The following GUCY1A1 variants were observed in gnomAD, a reference collection of about 807,000 sequenced individuals.
GUCY1A1 encodes the protein guanylate cyclase 1 soluble subunit alpha 1.
A neutral mutation model predicts 64.5 loss-of-function variants in GUCY1A1; 48 were observed. That is an observed-to-expected ratio of 0.74 (90% confidence interval 0.59 to 0.95). The LOEUF (loss-of-function observed/expected upper bound fraction) is 0.95. Among genes scored for constraint, GUCY1A1 ranks in the 40% least tolerant of loss-of-function variants. The probability of loss-of-function intolerance (pLI) is 0.00; values close to 1 mark genes in which losing one functional copy is unlikely to be tolerated. For synonymous variants in GUCY1A1, 308 were observed against 303.4 expected (o/e 1.02, Z -0.16); for missense variants, 804 against 825.3 (o/e 0.97, Z 0.32).
chr4:155,685,402 G>T (rs1043833861), intron 2 of GUCY1A1, among the ~76,000 whole-genome samples: 3 of 152,058 alleles, frequency 2.0e-5, no homozygotes, highest in African/African-American at 7.2e-5. Context: ...TAAATGAGTG[G>T]GTGTGGTTGT....
chr4:155,702,233 C>A (rs1223336586), intron 3 of GUCY1A1, among the ~76,000 whole-genome samples: 1 of 152,076 alleles, frequency 6.6e-6, no homozygotes, highest in African/African-American at 2.4e-5. Context: ...AGGCAGCAAC[C>A]CTTATTTTAT....
chr4:155,668,019 C>G (rs796264744), intron 2 of GUCY1A1: 1 of 152,290 alleles, frequency 6.6e-6, no homozygotes, highest in Non-Finnish European at 1.5e-5. Flanking sequence ...AGCGGCTCCA[C>G]GAGGTGTGCG....
In GUCY1A1 at chr4:155,713,543, C is replaced by T; in HGVS notation, c.1532C>T (p.Thr511Ile). The T allele has an allele frequency of 1.2e-6, 2 of 1,613,978 alleles. No homozygotes were observed. Among genetic ancestry groups the T allele is most frequent in the African/African-American group, 2.7e-5 (2 of 75,054 alleles). The change falls in exon 7 of 10, where the codon ACT becomes ATT. Residue 511 changes from threonine (T) to isoleucine (I), a missense_variant. Physicochemically the swap from Thr to Ile is moderately conservative, Grantham distance 89. Transcript: ENST00000506455. ...QVITMLNALYTRFDQQCGELD... is the reference protein window; with the variant it reads ...QVITMLNALYIRFDQQCGELD... ...ATCACCATGCTCAATGCACTGTACA[C>T]TCGCTTCGACCAGCAGTGTGGAGAG...
chr4:155,713,412 G>A lies in GUCY1A1; in HGVS notation c.1401G>A (p.Trp467Ter), dbSNP rs1377015819. 1 of 1,614,172 alleles carries A rather than the reference G, an allele frequency of 6.2e-7. No homozygotes were observed. The highest frequency in any genetic ancestry group is 2.2e-5 in the East Asian group (1 of 44,868). ...CCTGTGAGGTTGCTCAGCAGCTGTG[G>A]CAAGGGCAAGTTGTGCAAGCCAAGA... ...IFPCEVAQQL[W>*]QGQVVQAKKF... Residue 467 changes from tryptophan to a stop codon, truncating the protein, a stop_gained, in exon 7 of 10, where the codon TGG (tryptophan) becomes TGA (stop). Coordinates refer to ENST00000506455, the MANE Select transcript of GUCY1A1 (RefSeq NM_001130682.3). LOFTEE classifies it high-confidence loss of function.
chr4:155,675,654 G>A (rs767913022), intron 2 of GUCY1A1, among the ~76,000 whole-genome samples: 12 of 151,466 alleles, frequency 7.9e-5, no homozygotes, highest in African/African-American at 2.9e-4. Context: ...TGTGTCACTG[G>A]CTCAGAATAA....
At chr4:155,697,222 G>T in intron 3 of GUCY1A1, 100 bp downstream of exon 3, 1 of 831,936 alleles carries the variant, frequency 1.2e-6, no homozygotes, top group Non-Finnish European at 2.0e-6. Context: ...TCACTTTCAA[G>T]GCTACAATAA....
In GUCY1A1 at chr4:155,686,236, G is replaced by T. The variant is rs559971907; in HGVS notation, c.-112-10520G>T. On this transcript the variant is annotated intron_variant, in intron 2 of 9. Coordinates refer to ENST00000506455, the MANE Select transcript of GUCY1A1 (RefSeq NM_001130682.3). ...CATACCTGTAATCCCAACACTTTGG[G>T]AGGCCAAGGTGGGTGGATTGCCTGA... 3.3e-5 allele frequency among the ~76,000 whole-genome samples: 5 copies of T among 152,300 alleles called. No individual in the cohort carries two copies. In the South Asian group the frequency reaches 1.0e-3, roughly 32 times the overall value.
rs139449524 is a variant in GUCY1A1, at chr4:155,713,270, G to T, written c.1259G>T (p.Arg420Leu). The T allele has an allele frequency of 6.2e-7, 1 of 1,614,032 alleles. No homozygotes were observed. The highest frequency in any genetic ancestry group is 1.7e-5 in the Admixed American group (1 of 60,008). The change falls in exon 7 of 10, where the codon CGA becomes CTA. Residue 420 changes from arginine to leucine, a missense_variant. Physicochemically the swap from Arg to Leu is moderately radical, Grantham distance 102. Transcript: ENST00000506455. ...RDVVLIGEQA[R>L]AQDGLKKRLG... ...GTGGTCTTAATAGGGGAACAAGCCC[G>T]AGCTCAAGATGGCCTGAAGAAGAGG...
intron 8 of GUCY1A1, among the ~76,000 whole-genome samples, chr4:155,718,337 G>A (rs958892476): frequency 3.9e-5 from 6 of 152,154 alleles, no homozygotes; most frequent in Non-Finnish European, 8.8e-5. Flanking sequence ...GAAGCCATAT[G>A]TTTAAGCCTT....
chr4:155,693,820 T>G (rs1730070025), intron 2 of GUCY1A1, among the ~76,000 whole-genome samples: 1 of 152,180 alleles, frequency 6.6e-6, no homozygotes, highest in African/African-American at 2.4e-5. Flanking sequence ...GTCAATTGTA[T>G]TCTACTGCAG....
In GUCY1A1 at chr4:155,696,848, G is replaced by A. The variant is rs1730473757; in HGVS notation, c.-20G>A. 1.9e-6 allele frequency: 3 copies of A among 1,611,800 alleles called. No homozygotes were observed. The Admixed American group carries it at 5.0e-5, about 27-fold the overall frequency. ...AGCTCATCAGGAGGAGATCGCAGCAGGGTAAGAGACACCAACACCATGTTC... is the reference window on the plus strand; with the variant it reads ...AGCTCATCAGGAGGAGATCGCAGCAAGGTAAGAGACACCAACACCATGTTC... On this transcript the variant is annotated 5_prime_UTR_variant, in exon 3 of 10. Coordinates refer to ENST00000506455, the MANE Select transcript of GUCY1A1 (RefSeq NM_001130682.3).
In GUCY1A1 at chr4:155,731,483, CTAAG is replaced by C. The variant is rs1461102423; in HGVS notation, c.*1255_*1258del. The C allele has an allele frequency of 1.3e-5, 2 of 151,736 alleles. No homozygotes were observed. Among genetic ancestry groups the C allele is most frequent in the Admixed American group, 1.3e-4 (2 of 15,178 alleles). 9.4% of individuals were successfully genotyped at this position (151,736 alleles called of 1,614,324 possible). A position where few individuals can be genotyped will look rare whatever the true frequency, so the allele number is the denominator to read the frequency against. On this transcript the variant is annotated 3_prime_UTR_variant, in exon 10 of 10. Transcript: ENST00000506455. ...GGCAGTGACTACATTATGGAAATGT[CTAAG>C]TATTTTTTCCGGAACTTCAACTTTT...
At chr4:155,672,626 T>C (rs1044757217) in intron 2 of GUCY1A1, among the ~76,000 whole-genome samples, 1 of 152,172 alleles carries the variant, frequency 6.6e-6, no homozygotes, top group African/African-American at 2.4e-5. Flanking sequence ...CTCCTTATCT[T>C]GTAGATAACA....
chr4:155,682,578 C>T (rs965148233), intron 2 of GUCY1A1, among the ~76,000 whole-genome samples: 5 of 151,624 alleles, frequency 3.3e-5, no homozygotes, highest in East Asian at 1.9e-4. Flanking sequence ...AGGCTGAGGC[C>T]GGAGAATCGC....
intron 6 of GUCY1A1, among the ~76,000 whole-genome samples, chr4:155,711,716 A>G (rs1455748661): frequency 6.6e-6 from 1 of 152,206 alleles, no homozygotes; most frequent in Admixed American, 6.5e-5. Context: ...GTTAAAACAT[A>G]TTCTGTCATC....
chr4:155,684,274 C>A lies in GUCY1A1; in HGVS notation c.-112-12482C>A, dbSNP rs531755444. 2.3e-4 allele frequency among the ~76,000 whole-genome samples: 35 copies of A among 152,246 alleles called. No individual in the cohort carries two copies. The East Asian group carries it at 5.8e-3, about 25-fold the overall frequency. On this transcript the variant is annotated intron_variant, in intron 2 of 9. Coordinates refer to ENST00000506455, the MANE Select transcript of GUCY1A1 (RefSeq NM_001130682.3). ...TTCTCAATATGGACTTTGCAAGCATCCAAATATATACCTGCAAAGTATATG... is the reference window on the plus strand; with the variant it reads ...TTCTCAATATGGACTTTGCAAGCATACAAATATATACCTGCAAAGTATATG...
At chr4:155,729,701 A>G (rs917981487) in intron 9 of GUCY1A1, among the ~76,000 whole-genome samples, 1 of 151,910 alleles carries the variant, frequency 6.6e-6, no homozygotes, top group Non-Finnish European at 1.5e-5. Context: ...TGTTATGGTT[A>G]TGTGTGAATA....
At chr4:155,687,177 C>G (rs1345019017) in intron 2 of GUCY1A1, among the ~76,000 whole-genome samples, 3 of 152,082 alleles carry the variant, frequency 2.0e-5, no homozygotes, top group Admixed American at 6.5e-5. Context: ...GCACAATTTT[C>G]TTGTAGTATG....
In GUCY1A1 at chr4:155,713,317, C is replaced by G. The variant is rs778312964; in HGVS notation, c.1306C>G (p.Leu436Val). Reference sequence around the variant, plus strand: ...GAGGCTGGGGAAGCTGAAGGCTACCCTTGAGCAAGCCCACCAAGCCCTGGA... The same window carrying G: ...GAGGCTGGGGAAGCTGAAGGCTACCGTTGAGCAAGCCCACCAAGCCCTGGA... ...KKRLGKLKAT[L>V]EQAHQALEEE... Residue 436 changes from leucine to valine, a missense_variant, in exon 7 of 10, where the codon CTT becomes GTT. Leu to Val is a conservative substitution (Grantham distance 32). Coordinates refer to ENST00000506455, the MANE Select transcript of GUCY1A1 (RefSeq NM_001130682.3). 6.2e-7 allele frequency: 1 copy of G among 1,614,042 alleles called. No homozygotes were observed. The highest frequency in any genetic ancestry group is 1.3e-5 in the African/African-American group (1 of 74,930).
Sources: allele counts gnomAD v4.1 joint callset (sites outside exome capture counted in the v4.1 genomes callset), GRCh38; gene constraint gnomAD v4.1.1; transcripts MANE v1.5; gene names NCBI Gene and HGNC (gene_info 2026-07-23, HGNC 2026-07-21).